EEFSEC: variants seen among roughly 807,000 people sequenced by gnomAD.
The protein encoded by EEFSEC is eukaryotic elongation factor, selenocysteine-tRNA specific, also known as selenocysteine-specific elongation factor.
A neutral mutation model predicts 42.1 loss-of-function variants in EEFSEC; 43 were observed. The observed-to-expected ratio is 1.02, with a 90% CI of 0.80 to 1.32. The LOEUF is 1.32. Among genes scored for constraint, EEFSEC ranks in the 40% most tolerant of loss-of-function variants. The probability of loss-of-function intolerance (pLI) is 0.00; values close to 1 mark genes in which losing one functional copy is unlikely to be tolerated. For missense variants in EEFSEC, 745 were observed against 803.6 expected (o/e 0.93, Z 0.88); for synonymous variants, 354 against 339.1 (o/e 1.04, Z -0.48).
In EEFSEC at chr3:128,408,516, G is replaced by A; in HGVS notation, c.*257G>A. 1 of 383,512 alleles carries A rather than the reference G, an allele frequency of 2.6e-6. No homozygotes were observed. Among genetic ancestry groups the A allele is most frequent in the Non-Finnish European group, 4.6e-6 (1 of 216,106 alleles). The allele number at this position is 383,512 out of a possible 1,614,324, so 23.8% of individuals were successfully genotyped here. ...CAGCCCAACTAGGAAAGGGCCATGG[G>A]CAGAGGGCTGGTAGCCAGTATCTTC... On this transcript the variant is annotated 3_prime_UTR_variant, in exon 7 of 7. Coordinates refer to ENST00000254730, the MANE Select transcript of EEFSEC (RefSeq NM_021937.5).
chr3:128,417,425 G>T, the EEFSEC span, among the ~76,000 whole-genome samples: 1 of 151,956 alleles, frequency 6.6e-6, no homozygotes, highest in Non-Finnish European at 1.5e-5. The surrounding 1 kb of genome is among the most constrained non-coding windows in gnomAD (Gnocchi z 4.3). Flanking sequence ...CCCCCAGCTT[G>T]CTCCCCACCC....
chr3:128,289,758 C>T (rs1366642650), intron 4 of EEFSEC, among the ~76,000 whole-genome samples: 1 of 152,210 alleles, frequency 6.6e-6, no homozygotes, highest in Non-Finnish European at 1.5e-5. Flanking sequence ...GGCTTGCTGT[C>T]ATGTTTGAGG....
intron 4 of EEFSEC, among the ~76,000 whole-genome samples, chr3:128,301,285 G>A (rs545712617): frequency 3.3e-4 from 50 of 152,332 alleles, no homozygotes; most frequent in African/African-American, 1.1e-3. Context: ...CCTCCGGTGT[G>A]CACGCTTGTT....
At chr3:128,238,830 C>G (rs1009425896) in intron 1 of EEFSEC, among the ~76,000 whole-genome samples, 2 of 152,238 alleles carry the variant, frequency 1.3e-5, no homozygotes, top group Non-Finnish European at 2.9e-5. Flanking sequence ...TGCAGTGTCC[C>G]TGCTGGACGC....
At chr3:128,239,009 T>C (rs1272151948) in intron 1 of EEFSEC, among the ~76,000 whole-genome samples, 2 of 152,224 alleles carry the variant, frequency 1.3e-5, no homozygotes, top group African/African-American at 4.8e-5. Context: ...GGTCAGCTTC[T>C]CCTGCTCAGG....
At chr3:128,349,398 G>T (rs907398881) in intron 5 of EEFSEC, among the ~76,000 whole-genome samples, 3 of 152,206 alleles carry the variant, frequency 2.0e-5, no homozygotes, top group Non-Finnish European at 4.4e-5. Context: ...GCACCTGGTC[G>T]TCTGGAGCCG....
chr3:128,195,517 C>T (rs981396013), intron 1 of EEFSEC, among the ~76,000 whole-genome samples: 1 of 152,192 alleles, frequency 6.6e-6, no homozygotes, highest in African/African-American at 2.4e-5. Context: ...AACTTGGAGC[C>T]ACTGTCGTCT....
intron 6 of EEFSEC, among the ~76,000 whole-genome samples, chr3:128,358,778 A>G (rs2067490355): frequency 6.6e-6 from 1 of 152,002 alleles, no homozygotes; most frequent in Admixed American, 6.5e-5. Flanking sequence ...GTTTCCAGGG[A>G]TGTGAGTTGT....
intron 6 of EEFSEC, among the ~76,000 whole-genome samples, chr3:128,377,470 T>G (rs2067723236): frequency 6.6e-6 from 1 of 152,192 alleles, no homozygotes; most frequent in African/African-American, 2.4e-5. Flanking sequence ...TAGGTGGAGA[T>G]GCTCCAAGAT....
intron 1 of EEFSEC, among the ~76,000 whole-genome samples, chr3:128,204,963 A>T (rs1250783013): frequency 6.6e-6 from 1 of 152,168 alleles, no homozygotes; most frequent in Non-Finnish European, 1.5e-5. Context: ...CTGCTGCGTG[A>T]CGGGCTTCCC....
Position 128,153,713 on chromosome 3 carries a change from C to T in EEFSEC, c.206C>T (p.Pro69Leu). The T allele has an allele frequency of 8.2e-6, 13 of 1,586,482 alleles. No homozygotes were observed. Among genetic ancestry groups the T allele is most frequent in the Non-Finnish European group, 1.0e-5 (12 of 1,174,710 alleles). Residue 69 changes from proline to leucine, a missense_variant, in exon 1 of 7, where the codon CCC becomes CTC. By Grantham distance (98) the Pro-to-Leu change is moderately conservative. Coordinates refer to ENST00000254730, the MANE Select transcript of EEFSEC (RefSeq NM_021937.5). ...PLPARLRSSL[P>L]EFQAAPEAEP... ...CCCGCGCGCCTGCGGTCGTCTTTGC[C>T]CGAGTTCCAGGCAGCGCCCGAGGCC...
intron 6 of EEFSEC, among the ~76,000 whole-genome samples, chr3:128,387,177 G>A (rs1178088348): frequency 6.6e-6 from 1 of 152,192 alleles, no homozygotes; most frequent in East Asian, 1.9e-4. Flanking sequence ...GGGGCTGCAG[G>A]GGTCACAGGG....
At chr3:128,319,167 T>C (rs1297485116) in intron 4 of EEFSEC, among the ~76,000 whole-genome samples, 1 of 152,230 alleles carries the variant, frequency 6.6e-6, no homozygotes, top group Non-Finnish European at 1.5e-5. Flanking sequence ...TCTGAGGTCC[T>C]GACCCCCCTC....
intron 4 of EEFSEC, among the ~76,000 whole-genome samples, chr3:128,272,433 C>T (rs533002621): frequency 2.0e-5 from 3 of 152,248 alleles, no homozygotes; most frequent in South Asian, 2.1e-4. Context: ...AAGGATGTGA[C>T]GCCTGGACTC....
At chr3:128,222,025 G>GTTTTTTTTTTTTTTT (rs60162922) in intron 1 of EEFSEC, among the ~76,000 whole-genome samples, 1 of 96,364 alleles carries the variant, frequency 1.0e-5, no homozygotes, top group Non-Finnish European at 1.9e-5. Context: ...TTTTTTCAAA[G>GTTTTTTTTTTTTTTT]TTTTTTTTTT....
intron 1 of EEFSEC, among the ~76,000 whole-genome samples, chr3:128,171,482 G>A (rs2065296116): frequency 6.6e-6 from 1 of 151,986 alleles, no homozygotes; most frequent in African/African-American, 2.4e-5. Flanking sequence ...TTGAAGCAAG[G>A]GGTCAAATGT....
chr3:128,357,561 C>A (rs1391990919), intron 5 of EEFSEC, among the ~76,000 whole-genome samples: 1 of 152,192 alleles, frequency 6.6e-6, no homozygotes, highest in Non-Finnish European at 1.5e-5. Context: ...GACAGGCTTC[C>A]AGGCACAGCT....
At chr3:128,188,747 G>A (rs1260668632) in intron 1 of EEFSEC, among the ~76,000 whole-genome samples, 1 of 152,182 alleles carries the variant, frequency 6.6e-6, no homozygotes, top group Non-Finnish European at 1.5e-5. Flanking sequence ...CATCTGCAAA[G>A]TTTGCTGGCA....
intron 1 of EEFSEC, among the ~76,000 whole-genome samples, chr3:128,189,613 A>G (rs1472812746): frequency 6.9e-6 from 1 of 145,574 alleles, no homozygotes; most frequent in Non-Finnish European, 1.5e-5. Flanking sequence ...GCTGCAGTGC[A>G]GTGGCACCAT....
Sources: allele counts gnomAD v4.1 joint callset (sites outside exome capture counted in the v4.1 genomes callset), GRCh38; gene constraint gnomAD v4.1.1; non-coding constraint Gnocchi (gnomAD v3.1); transcripts MANE v1.5; gene names NCBI Gene and HGNC (gene_info 2026-07-23, HGNC 2026-07-21).